The following F13A1 variants were observed in gnomAD, a reference collection of about 807,000 sequenced individuals.
F13A1 encodes the protein FSF, A subunit.
In F13A1, 47 loss-of-function variants were observed where a neutral mutation model predicts 80.1. That is an observed-to-expected ratio of 0.59 (90% confidence interval 0.46 to 0.75). The LOEUF (loss-of-function observed/expected upper bound fraction) is 0.75, where lower values mean the gene tolerates loss of function less well. Among genes scored for constraint, F13A1 ranks in the 30% least tolerant of loss-of-function variants. The probability of loss-of-function intolerance (pLI) is 0.00; values close to 1 mark genes in which losing one functional copy is unlikely to be tolerated. For missense variants in F13A1, 817 were observed against 930.4 expected, an observed-to-expected ratio of 0.88 and a Z score of 1.59; for synonymous variants, 349 against 344.9, an observed-to-expected ratio of 1.01 and a Z score of -0.13.
In F13A1 at chr6:6,197,225, T is replaced by C; in HGVS notation, c.1214A>G (p.Asp405Gly). The C allele has an allele frequency of 6.8e-6, 11 of 1,613,958 alleles. No homozygotes were observed. Among genetic ancestry groups the C allele is most frequent in the Admixed American group, 1.7e-5 (1 of 60,024 alleles). The change falls in exon 9 of 15, where the codon GAT (aspartate) becomes GGT (glycine). Residue 405 changes from aspartate (D) to glycine (G), a missense_variant and splice_region_variant. By Grantham distance (94) the Asp-to-Gly change is moderately conservative. Coordinates refer to ENST00000264870, the MANE Select transcript of F13A1 (RefSeq NM_000129.4). ...AVDSTPQENS[D>G]GMYRCGPASV... ...CCAGAGGGAGGACACAGTTTTACCA[T>C]CGCTATTTTCCTGGGGGGTGCTGTC... is the stretch of plus-strand genomic sequence containing the variant.
intron 10 of F13A1, among the ~76,000 whole-genome samples, chr6:6,193,097 G>A (rs574658615): frequency 3.3e-4 from 50 of 152,236 alleles, no homozygotes; most frequent in African/African-American, 1.2e-3. Flanking sequence ...GGGAGGACAT[G>A]GGAAGGGAGG....
At chr6:6,197,133 G>A (rs890755350) in intron 9 of F13A1, 90 bp downstream of exon 9, 7 of 1,212,468 alleles carry the variant, frequency 5.8e-6, no homozygotes, top group Non-Finnish European at 8.5e-6. Context: ...GCCTCCCAAT[G>A]GGCGTGGTTC....
chr6:6,229,621 T>C (rs952676018), intron 6 of F13A1, among the ~76,000 whole-genome samples: 2 of 152,198 alleles, frequency 1.3e-5, no homozygotes, highest in Non-Finnish European at 2.9e-5. Context: ...ATTGCAGCTC[T>C]GGACAGAGCA....
intron 13 of F13A1, among the ~76,000 whole-genome samples, chr6:6,166,374 G>C (rs752920329): frequency 2.6e-5 from 4 of 152,200 alleles, no homozygotes; most frequent in African/African-American, 9.7e-5. Flanking sequence ...AAGGATTCAC[G>C]AGAAGCAAGG....
chr6:6,278,064 T>C (rs767619184), intron 3 of F13A1, among the ~76,000 whole-genome samples: 11 of 152,186 alleles, frequency 7.2e-5, no homozygotes, highest in African/African-American at 2.7e-4. Flanking sequence ...TGTATAGATT[T>C]GTGATTTTTC....
intron 4 of F13A1, among the ~76,000 whole-genome samples, chr6:6,262,632 C>T (rs1242326929): frequency 4.0e-5 from 6 of 151,832 alleles, no homozygotes; most frequent in African/African-American, 1.5e-4. Flanking sequence ...GACTAGCTCA[C>T]ATCTTCCCTA....
intron 6 of F13A1, among the ~76,000 whole-genome samples, chr6:6,238,561 G>T (rs953610801): frequency 6.6e-6 from 1 of 151,862 alleles, no homozygotes; most frequent in Non-Finnish European, 1.5e-5. Flanking sequence ...CTTAAAATAT[G>T]CCATTTATAA....
At chr6:6,165,242 C>A (rs1760646477) in intron 13 of F13A1, among the ~76,000 whole-genome samples, 1 of 152,208 alleles carries the variant, frequency 6.6e-6, no homozygotes, top group Non-Finnish European at 1.5e-5. Context: ...ATATAACTCT[C>A]CATTTAAAGT....
In F13A1 at chr6:6,226,478, T is replaced by C. The variant is rs189768774; in HGVS notation, c.799-1618A>G. Among the ~76,000 whole-genome samples, 489 of 152,350 alleles carry C rather than the reference T, an allele frequency of 3.2e-3. 2 individuals are homozygous for C. Among genetic ancestry groups the C allele is most frequent in the African/African-American group, 9.4e-3 (392 of 41,586 alleles). ...CAATGTGAAACATATGATTGAAGCA[T>C]GTGTGTTTTGATTATGAAAATCACA... On this transcript the variant is annotated intron_variant, in intron 6 of 14. Transcript: ENST00000264870.
At chr6:6,307,458 C>G (rs954345584) in intron 2 of F13A1, among the ~76,000 whole-genome samples, 1 of 152,136 alleles carries the variant, frequency 6.6e-6, no homozygotes, top group Non-Finnish European at 1.5e-5. Context: ...TAAACCAGCC[C>G]AAGAATGAGC....
intron 8 of F13A1, among the ~76,000 whole-genome samples, chr6:6,218,594 G>A (rs1245596790): frequency 1.3e-5 from 2 of 152,150 alleles, no homozygotes; most frequent in African/African-American, 4.8e-5. Context: ...TGAGGTTCCT[G>A]AGTCCCCAGC....
intron 14 of F13A1, among the ~76,000 whole-genome samples, chr6:6,149,059 G>C (rs759070799): frequency 6.6e-6 from 1 of 152,094 alleles, no homozygotes; most frequent in Non-Finnish European, 1.5e-5. Flanking sequence ...GACTGAGGAG[G>C]AGAACATGAA....
chr6:6,203,379 CTT>C (rs1761431128), intron 8 of F13A1, among the ~76,000 whole-genome samples: 1 of 152,146 alleles, frequency 6.6e-6, no homozygotes, highest in African/African-American at 2.4e-5. Context: ...AATCTGTTGA[CTT>C]TGAGTTAATT....
At chr6:6,296,081 C>T (rs987957695) in intron 3 of F13A1, among the ~76,000 whole-genome samples, 7 of 148,582 alleles carry the variant, frequency 4.7e-5, no homozygotes, top group Non-Finnish European at 8.9e-5. Flanking sequence ...TTTCTGAGGG[C>T]TCTGTTCTGT....
At chr6:6,167,946 G>A (rs1363711198) in intron 12 of F13A1, among the ~76,000 whole-genome samples, 1 of 152,200 alleles carries the variant, frequency 6.6e-6, no homozygotes, top group Non-Finnish European at 1.5e-5. Context: ...TTTTAATGGT[G>A]GCTTTGATTT....
intron 6 of F13A1, among the ~76,000 whole-genome samples, chr6:6,235,119 C>T (rs1757398124): frequency 1.3e-5 from 2 of 151,850 alleles, no homozygotes; most frequent in Admixed American, 1.3e-4. Flanking sequence ...ATACCTTGCA[C>T]CATATGTAAA....
intron 8 of F13A1, among the ~76,000 whole-genome samples, chr6:6,205,209 C>A (rs138114663): frequency 6.6e-6 from 1 of 152,240 alleles, no homozygotes; most frequent in African/African-American, 2.4e-5. Context: ...CGTGTAAATA[C>A]AGTCTGATAT....
intron 6 of F13A1, among the ~76,000 whole-genome samples, chr6:6,235,325 G>A (rs939908628): frequency 1.3e-5 from 2 of 151,936 alleles, no homozygotes; most frequent in African/African-American, 2.4e-5. Context: ...GAAAGGCCCT[G>A]TGAAGAGAAT....
chr6:6,212,930 C>T (rs868482394), intron 8 of F13A1, among the ~76,000 whole-genome samples: 78 of 151,816 alleles, frequency 5.1e-4, no homozygotes, highest in South Asian at 1.9e-3. Context: ...AGGGTATCAG[C>T]GATGGAAGAT....
Sources: allele counts gnomAD v4.1 joint callset (sites outside exome capture counted in the v4.1 genomes callset), GRCh38; gene constraint gnomAD v4.1.1; transcripts MANE v1.5; gene names NCBI Gene and HGNC (gene_info 2026-07-23, HGNC 2026-07-21).